SCAPER: variants seen among roughly 807,000 people sequenced by gnomAD.
SCAPER encodes S-phase cyclin A associated protein in the ER.
A neutral mutation model predicts 182.2 loss-of-function variants in SCAPER; 98 were observed. The ratio of observed to expected loss-of-function variants is 0.54; its 90% CI spans 0.46 to 0.64. The LOEUF is 0.64. SCAPER is among the 30% of genes least tolerant of loss of function. The pLI is 0.00. For missense variants in SCAPER, 1,432 were observed against 1,690.0 expected, an observed-to-expected ratio of 0.85 and a Z score of 2.68; for synonymous variants, 605 against 564.6, an observed-to-expected ratio of 1.07 and a Z score of -1.01.
chr15:76,395,619 A>G (rs2043995951), intron 27 of SCAPER, among the ~76,000 whole-genome samples: 1 of 152,138 alleles, frequency 6.6e-6, no homozygotes, highest in Non-Finnish European at 1.5e-5. Flanking sequence ...GCACCTTTTC[A>G]TATGCCTGTT....
At chr15:76,653,116 A>G (rs961176176) in intron 21 of SCAPER, among the ~76,000 whole-genome samples, 1 of 152,192 alleles carries the variant, frequency 6.6e-6, no homozygotes, top group African/African-American at 2.4e-5. Flanking sequence ...CTCATTCATA[A>G]TAGCCACACG....
chr15:76,606,902 A>G (rs1327861207), intron 22 of SCAPER, among the ~76,000 whole-genome samples: 2 of 152,174 alleles, frequency 1.3e-5, no homozygotes, highest in East Asian at 3.9e-4. Flanking sequence ...TTTTGAGCCT[A>G]TGTGTATCTC....
At chr15:76,724,645 A>G (rs1477930227) in intron 17 of SCAPER, among the ~76,000 whole-genome samples, 1 of 151,890 alleles carries the variant, frequency 6.6e-6, no homozygotes, top group Non-Finnish European at 1.5e-5. Flanking sequence ...TTTTTTCTCT[A>G]AACTTCTCTT....
At chr15:76,779,389 A>G (rs567397322) in intron 8 of SCAPER, among the ~76,000 whole-genome samples, 1 of 152,302 alleles carries the variant, frequency 6.6e-6, no homozygotes, top group East Asian at 1.9e-4. Flanking sequence ...TCCACCCATT[A>G]AAAGTATAAG....
intron 25 of SCAPER, among the ~76,000 whole-genome samples, chr15:76,451,160 G>A (rs1485324719): frequency 6.6e-6 from 1 of 152,200 alleles, no homozygotes; most frequent in East Asian, 1.9e-4. Context: ...TATGAATAAT[G>A]TTTCCATGAA....
intron 21 of SCAPER, among the ~76,000 whole-genome samples, chr15:76,655,081 A>G (rs2146605846): frequency 6.6e-6 from 1 of 152,344 alleles, no homozygotes; most frequent in South Asian, 2.1e-4. Context: ...AGAATTCAGA[A>G]GATGAAAAGG....
rs2048139962 is a variant in SCAPER at position 76,579,869 on chromosome 15, GCTAT to G, written c.2712-5589_2712-5586del. Among the ~76,000 whole-genome samples, 3 of 152,072 alleles carry G rather than the reference GCTAT, an allele frequency of 2.0e-5. No individual in the cohort carries two copies. In the South Asian group the frequency reaches 6.2e-4, roughly 31 times the overall value. ...TGGAAACCAAACAAGAGTACAAGTA[GCTAT>G]ACTTATGTCAGAAAAAATACATTTC... On this transcript the variant is annotated intron_variant, in intron 22 of 31. Coordinates refer to ENST00000563290, the MANE Select transcript of SCAPER (RefSeq NM_020843.4).
intron 2 of SCAPER, among the ~76,000 whole-genome samples, chr15:76,880,939 T>C (rs555249381): frequency 1.3e-5 from 2 of 152,276 alleles, no homozygotes; most frequent in Non-Finnish European, 2.9e-5. Flanking sequence ...ACTGGAACCC[T>C]TGTGCACTGT....
chr15:76,804,563 T>A lies in SCAPER; in HGVS notation c.464A>T (p.Glu155Val). Residue 155 changes from glutamate to valine, a missense_variant, in exon 6 of 32, where the codon GAA (glutamate) becomes GTA (valine). Physicochemically the swap from Glu to Val is moderately radical, Grantham distance 121. Coordinates refer to ENST00000563290, the MANE Select transcript of SCAPER (RefSeq NM_020843.4). ...KALIDWIQLQ[E>V]KLEKTDAQSR... ...TTGAGCATCTGTCTTCTCTAGCTTT[T>A]CCTGAAGCTGAATCCAGTCAATCAA... 1 of 1,611,780 alleles carries A rather than the reference T, an allele frequency of 6.2e-7. No homozygotes were observed. Among genetic ancestry groups the A allele is most frequent in the Non-Finnish European group, 8.5e-7 (1 of 1,179,200 alleles).
chr15:76,406,530 C>T (rs187256748), intron 26 of SCAPER, among the ~76,000 whole-genome samples: 1 of 152,038 alleles, frequency 6.6e-6, no homozygotes, highest in Non-Finnish European at 1.5e-5. Context: ...CGCTTGTAAT[C>T]CCCACACTTT....
chr15:76,438,489 C>G (rs2047350301), intron 25 of SCAPER, among the ~76,000 whole-genome samples: 1 of 152,118 alleles, frequency 6.6e-6, no homozygotes, highest in African/African-American at 2.4e-5. Context: ...CTACAGCTGA[C>G]CGGCAACTTT....
At chr15:76,844,886 C>T (rs1023888448) in intron 4 of SCAPER, among the ~76,000 whole-genome samples, 2 of 152,068 alleles carry the variant, frequency 1.3e-5, no homozygotes, top group Non-Finnish European at 2.9e-5. Context: ...TATTCTGATA[C>T]CAAAATCAGA....
At chr15:76,497,939 C>T (rs776025220) in intron 24 of SCAPER, among the ~76,000 whole-genome samples, 64 of 120,946 alleles carry the variant, frequency 5.3e-4, no homozygotes, top group Admixed American at 1.5e-3. Flanking sequence ...TGCAGTGAGC[C>T]GAGATTGTGC....
intron 29 of SCAPER, among the ~76,000 whole-genome samples, chr15:76,360,423 T>G (rs2041320626): frequency 6.6e-6 from 1 of 152,216 alleles, no homozygotes; most frequent in African/African-American, 2.4e-5. Flanking sequence ...AGCTCGTCAT[T>G]GGTAGAGCTG....
At chr15:76,884,992 A>C (rs2073765822) in intron 1 of SCAPER, among the ~76,000 whole-genome samples, 1 of 152,198 alleles carries the variant, frequency 6.6e-6, no homozygotes. Context: ...GTGTCAGAAA[A>C]CAGAGGTTGC....
chr15:76,868,083 G>A (rs1031138002), intron 2 of SCAPER, among the ~76,000 whole-genome samples: 1 of 152,142 alleles, frequency 6.6e-6, no homozygotes, highest in Non-Finnish European at 1.5e-5. Context: ...AAGGTCACAT[G>A]CTGAATACCT....
chr15:76,806,954 G>C (rs1187595613), intron 5 of SCAPER, among the ~76,000 whole-genome samples: 2 of 151,970 alleles, frequency 1.3e-5, no homozygotes, highest in Admixed American at 6.5e-5. Flanking sequence ...TCTAATAATT[G>C]GGGGGCAGGT....
intron 1 of SCAPER, among the ~76,000 whole-genome samples, chr15:76,891,576 G>C (rs1434336644): frequency 1.3e-5 from 2 of 152,078 alleles, no homozygotes; most frequent in East Asian, 3.9e-4. Context: ...GCTACAAACA[G>C]AATAAAATAT....
chr15:76,612,997 G>A (rs527547009), intron 22 of SCAPER, among the ~76,000 whole-genome samples: 60 of 152,280 alleles, frequency 3.9e-4, no homozygotes, highest in African/African-American at 1.3e-3. Flanking sequence ...AGCATGGGAG[G>A]CATCAAGCTA....
Sources: allele counts gnomAD v4.1 joint callset (sites outside exome capture counted in the v4.1 genomes callset), GRCh38; gene constraint gnomAD v4.1.1; transcripts MANE v1.5; gene names NCBI Gene and HGNC (gene_info 2026-07-23, HGNC 2026-07-21).